Variants in NRF1 observed in about 807,000 individuals in gnomAD.
NRF1 encodes the protein alpha palindromic-binding protein.
Under a neutral mutation model 58.5 loss-of-function variants are expected in NRF1, and 5 were observed. The observed-to-expected ratio is 0.09, with a 90% CI of 0.04 to 0.18. NRF1 has a LOEUF of 0.18. Ranked by LOEUF, NRF1 falls within the 10% of genes least tolerant of loss-of-function variation. The pLI, the probability that NRF1 is intolerant of heterozygous loss-of-function variation, is 1.00. For missense variants in NRF1, 288 were observed against 657.7 expected, an observed-to-expected ratio of 0.44 and a Z score of 6.15; for synonymous variants, 224 against 246.7, an observed-to-expected ratio of 0.91 and a Z score of 0.86.
chr7:129,615,269 A>T (rs10236959), intron 1 of NRF1, among the ~76,000 whole-genome samples: 63,758 of 152,034 alleles, frequency 0.42, 15,614 homozygotes, highest in African/African-American at 0.67. Context: ...TCATTCACAC[A>T]GTGCCACTGT....
At chr7:129,752,854 C>T (rs1443996114) in intron 10 of NRF1, among the ~76,000 whole-genome samples, 1 of 152,030 alleles carries the variant, frequency 6.6e-6, no homozygotes, top group African/African-American at 2.4e-5. Flanking sequence ...GGCCCTTCTG[C>T]GTGCTTCCCC....
At chr7:129,646,133 C>A (rs969241325) in intron 1 of NRF1, among the ~76,000 whole-genome samples, 1 of 152,186 alleles carries the variant, frequency 6.6e-6, no homozygotes, top group African/African-American at 2.4e-5. Context: ...CGTGAGCCAC[C>A]GCGCCAGGCC....
At chr7:129,637,059 C>G (rs992680597) in intron 1 of NRF1, among the ~76,000 whole-genome samples, 2 of 152,098 alleles carry the variant, frequency 1.3e-5, no homozygotes, top group African/African-American at 4.8e-5. Context: ...CCTTGGTCCT[C>G]AGTTTCCCAA....
At chr7:129,698,831 A>C (rs1802755223) in intron 5 of NRF1, among the ~76,000 whole-genome samples, 1 of 152,208 alleles carries the variant, frequency 6.6e-6, no homozygotes, top group Non-Finnish European at 1.5e-5. Flanking sequence ...CTTCTTGCAG[A>C]GTCTTTAAGC....
chr7:129,717,412 A>C (rs1179141826), intron 9 of NRF1, 36 bp downstream of exon 9: 2 of 1,578,642 alleles, frequency 1.3e-6, no homozygotes, highest in African/African-American at 2.7e-5. Context: ...TGAGGATCGC[A>C]AATCTGTCCC....
Position 129,693,940 on chromosome 7 carries a change from A to G in NRF1, c.606+3394A>G, listed in dbSNP as rs569439590. On this transcript the variant is annotated intron_variant, in intron 5 of 10. Coordinates refer to ENST00000393232, the MANE Select transcript of NRF1 (RefSeq NM_005011.5). The stretch of plus-strand genomic sequence containing the variant: ...TTTTGATTATATTATATCATCGTGG[A>G]TTGGCCACAAAAGTCAGCAAACAGT... Among the ~76,000 whole-genome samples the G allele has an allele frequency of 8.5e-5, 13 of 152,276 alleles. 1 individual carries two copies. The South Asian group carries it at 2.7e-3, about 32-fold the overall frequency.
intron 9 of NRF1, among the ~76,000 whole-genome samples, chr7:129,725,332 C>CTT (rs886446824): frequency 8.3e-5 from 12 of 143,990 alleles, no homozygotes; most frequent in African/African-American, 2.3e-4. Flanking sequence ...TAATTATTAT[C>CTT]TTTTTTTTTT....
intron 1 of NRF1, among the ~76,000 whole-genome samples, chr7:129,632,629 G>A (rs1221824220): frequency 1.3e-5 from 2 of 150,706 alleles, no homozygotes; most frequent in African/African-American, 4.9e-5. Flanking sequence ...ATATATATAT[G>A]TATCCACTGA....
intron 10 of NRF1, among the ~76,000 whole-genome samples, chr7:129,736,401 C>A (rs898592405): frequency 6.6e-6 from 1 of 151,426 alleles, no homozygotes; most frequent in African/African-American, 2.4e-5. Context: ...CCTGCCTCAG[C>A]CTCCTGAGAG....
At chr7:129,714,086 C>T (rs1289801273) in intron 8 of NRF1, among the ~76,000 whole-genome samples, 1 of 152,170 alleles carries the variant, frequency 6.6e-6, no homozygotes, top group Non-Finnish European at 1.5e-5. Context: ...TAAGAAAGCA[C>T]TGAGACTCAG....
chr7:129,667,279 G>A (rs558650323), intron 2 of NRF1, among the ~76,000 whole-genome samples: 11 of 152,260 alleles, frequency 7.2e-5, no homozygotes, highest in African/African-American at 2.6e-4. Flanking sequence ...TGCAGATCTG[G>A]TAGGTATAAA....
At chr7:129,696,040 T>G (rs1409408224) in intron 5 of NRF1, among the ~76,000 whole-genome samples, 1 of 108,912 alleles carries the variant, frequency 9.2e-6, no homozygotes, top group Admixed American at 1.3e-4. Context: ...CTGACCAACA[T>G]GGATAAACCC....
chr7:129,750,819 G>A (rs1160586389), intron 10 of NRF1, among the ~76,000 whole-genome samples: 1 of 152,084 alleles, frequency 6.6e-6, no homozygotes, highest in African/African-American at 2.4e-5. Context: ...TTTTTTTCTG[G>A]GCTGGAAGCT....
intron 10 of NRF1, among the ~76,000 whole-genome samples, chr7:129,738,353 G>A (rs865897085): frequency 9.8e-5 from 15 of 152,322 alleles, no homozygotes; most frequent in Middle Eastern, 3.4e-3. Flanking sequence ...GGGAGCCGGC[G>A]GCTTTTCCTG....
chr7:129,750,028 T>C (rs1357171617), intron 10 of NRF1, among the ~76,000 whole-genome samples: 1 of 151,940 alleles, frequency 6.6e-6, no homozygotes, highest in Non-Finnish European at 1.5e-5. Flanking sequence ...CCTGTGGACT[T>C]CTCTAGGGTC....
chr7:129,734,755 G>T (rs551034024), intron 10 of NRF1, among the ~76,000 whole-genome samples: 1 of 152,350 alleles, frequency 6.6e-6, no homozygotes, highest in South Asian at 2.1e-4. Flanking sequence ...TTCTTGACTG[G>T]AGTTGGGTGG....
chr7:129,744,034 T>G (rs1391834967), intron 10 of NRF1: 1 of 653,318 alleles, frequency 1.5e-6, no homozygotes, highest in East Asian at 2.9e-5. Context: ...AAGGCTTTCC[T>G]CACGGGTGGA....
At chr7:129,746,949 C>A (rs1803990529) in intron 10 of NRF1, among the ~76,000 whole-genome samples, 1 of 152,172 alleles carries the variant, frequency 6.6e-6, no homozygotes, top group South Asian at 2.1e-4. Flanking sequence ...TTACAGCAAA[C>A]AACAATTCCC....
rs1359844625 is a variant in NRF1, at chr7:129,755,496, A to G, written c.*315A>G. The G allele has an allele frequency of 1.1e-5, 2 of 179,152 alleles. No homozygotes were observed. The highest frequency in any genetic ancestry group is 6.3e-5 in the Admixed American group (1 of 15,976). 11.1% of individuals were successfully genotyped at this position (179,152 alleles called of 1,614,324 possible). On this transcript the variant is annotated 3_prime_UTR_variant, in exon 11 of 11. Transcript: ENST00000393232. The surrounding 1 kb of genome is among the most constrained non-coding windows in gnomAD (Gnocchi z 5.8). ...TATGTGTGAGTGTGAATATATGTAT[A>G]TGTGTACATATGGACATACACATTT...
Sources: allele counts gnomAD v4.1 joint callset (sites outside exome capture counted in the v4.1 genomes callset), GRCh38; gene constraint gnomAD v4.1.1; non-coding constraint Gnocchi (gnomAD v3.1); transcripts MANE v1.5; gene names NCBI Gene and HGNC (gene_info 2026-07-23, HGNC 2026-07-21).